C6orf89: variants seen among roughly 807,000 people sequenced by gnomAD.
C6orf89 encodes the protein bombesin receptor-activated protein C6orf89.
Under a neutral mutation model 40.7 loss-of-function variants are expected in C6orf89, and 29 were observed. That is an observed-to-expected ratio of 0.71 (90% CI 0.53 to 0.97). The LOEUF is 0.97. C6orf89 is among the 50% of genes least tolerant of loss of function. The probability of loss-of-function intolerance (pLI) is 0.00; values close to 1 mark genes in which losing one functional copy is unlikely to be tolerated. For missense variants in C6orf89, 392 were observed against 429.1 expected (o/e 0.91, Z 0.76); for synonymous variants, 165 against 152.2 (o/e 1.08, Z -0.62).
intron 3 of C6orf89, among the ~76,000 whole-genome samples, chr6:36,900,889 C>T (rs1005289720): frequency 6.6e-6 from 1 of 151,662 alleles, no homozygotes; most frequent in Non-Finnish European, 1.5e-5. Flanking sequence ...TCTTGTTGCC[C>T]AGGCTGGAGT....
chr6:36,897,577 C>G (rs557691227), intron 2 of C6orf89, among the ~76,000 whole-genome samples: 7 of 152,316 alleles, frequency 4.6e-5, no homozygotes, highest in Admixed American at 1.3e-4. Flanking sequence ...GTCTAGATTG[C>G]ATGCCTTTTA....
upstream of C6orf89, among the ~76,000 whole-genome samples, chr6:36,881,409 A>G (rs1774803874): frequency 6.6e-6 from 1 of 152,244 alleles, no homozygotes; most frequent in African/African-American, 2.4e-5. Context: ...ACGGTGGCCC[A>G]TGCCTGTAAT....
At chr6:36,882,455 T>G (rs1385647981), upstream of C6orf89, among the ~76,000 whole-genome samples, 1 of 152,246 alleles carries the variant, frequency 6.6e-6, no homozygotes, top group African/African-American at 2.4e-5. Context: ...AGTCCCGTGT[T>G]AAGCATGGAC....
chr6:36,874,007 A>C (rs535313399), intron 1 of C6orf89, among the ~76,000 whole-genome samples: 2 of 152,368 alleles, frequency 1.3e-5, no homozygotes, highest in African/African-American at 4.8e-5. Context: ...TGGAATGAAT[A>C]GAGCTAAAGG....
intron 2 of C6orf89, chr6:36,879,189 A>G (rs920925343): frequency 1.5e-4 from 23 of 152,056 alleles, no homozygotes; most frequent in African/African-American, 5.6e-4. Context: ...TCTATTACTC[A>G]GGGCAACCAG....
chr6:36,880,184 A>C (rs777412218), intron 2 of C6orf89, among the ~76,000 whole-genome samples: 2 of 152,260 alleles, frequency 1.3e-5, no homozygotes, highest in Non-Finnish European at 2.9e-5. Context: ...ATCAGTAATA[A>C]GAAATTTAAA....
chr6:36,882,961 G>C (rs988686606), upstream of C6orf89, among the ~76,000 whole-genome samples: 1 of 151,462 alleles, frequency 6.6e-6, no homozygotes, highest in African/African-American at 2.4e-5. Flanking sequence ...GGATGGTCTC[G>C]ATCTCCTGAC....
intron 4 of C6orf89, among the ~76,000 whole-genome samples, chr6:36,909,748 A>C (rs1256923313): frequency 6.6e-6 from 1 of 150,540 alleles, no homozygotes; most frequent in Admixed American, 6.7e-5. Context: ...GTACCACTGC[A>C]CTTCAGCCTG....
upstream of C6orf89, among the ~76,000 whole-genome samples, chr6:36,882,786 G>A (rs1351762874): frequency 6.4e-5 from 9 of 141,466 alleles, no homozygotes; most frequent in Non-Finnish European, 1.1e-4. Flanking sequence ...GCGGGACTGC[G>A]GACTGCAGTG....
rs530552206 is a variant in C6orf89 at position 36,875,163 on chromosome 6, G to C, written c.-628+3196G>C. ...TCTCACAATTGGGCAGGGACGGGAA[G>C]GGGAGGCAGAGAATGAAAGAGGGTA... On this transcript the variant is annotated intron_variant, in intron 1 of 9. Coordinates refer to the C6orf89 transcript ENST00000359359. The C allele has an allele frequency of 5.9e-5, 14 of 238,376 alleles. No individual in the cohort carries two copies. In the Admixed American group the frequency reaches 7.2e-4, roughly 12 times the overall value. The allele number at this position is 238,376 out of a possible 1,614,324, so 14.8% of individuals were successfully genotyped here. A position where few individuals can be genotyped will look rare whatever the true frequency, so the allele number is the denominator to read the frequency against.
At chr6:36,881,067 G>C (rs1428842264), upstream of C6orf89, among the ~76,000 whole-genome samples, 1 of 152,200 alleles carries the variant, frequency 6.6e-6, no homozygotes, top group Non-Finnish European at 1.5e-5. Flanking sequence ...TTAGATGCTG[G>C]AAAGAGTCGG....
At chr6:36,923,294 G>T in intron 8 of C6orf89, 53 bp from the exon 9 acceptor site, 1 of 1,420,032 alleles carries the variant, frequency 7.0e-7, no homozygotes, top group Non-Finnish European at 9.9e-7. Context: ...GTGCCCACAG[G>T]TGTGCCCACC....
In C6orf89 at chr6:36,919,625, G is replaced by A; in HGVS notation, c.873G>A (p.Met291Ile). 1 of 1,614,118 alleles carries A rather than the reference G, an allele frequency of 6.2e-7. No individual in the cohort carries two copies. Residue 291 changes from methionine to isoleucine, a missense_variant, in exon 8 of 9, where the codon ATG becomes ATA. Physicochemically the swap from Met to Ile is conservative, Grantham distance 10 (BLOSUM62 1). Coordinates refer to ENST00000480824, the MANE Select transcript of C6orf89 (RefSeq NM_001286635.2). ...TTATCATTGGCAGCGGTGAGGCCAT[G>A]TTGCAGCTCATCCCTCCCTTCCAGT... ...DLFIIGSGEA[M>I]LQLIPPFQCR...
intron 1 of C6orf89, among the ~76,000 whole-genome samples, chr6:36,878,846 A>G (rs951543856): frequency 1.3e-5 from 2 of 152,180 alleles, no homozygotes; most frequent in Non-Finnish European, 2.9e-5. Context: ...CTATTGCTGT[A>G]CGTTAGTTTA....
chr6:36,916,439 C>G lies in C6orf89; in HGVS notation c.696-6C>G. On this transcript the variant is annotated splice_region_variant and splice_polypyrimidine_tract_variant and intron_variant, in intron 6 of 8. Coordinates refer to ENST00000480824, the MANE Select transcript of C6orf89 (RefSeq NM_001286635.2). ...ATTACTTTTTTTCTGTTTCATACTT[C>G]TACAGGAGGAGACCTCTGAACAGAT... The G allele has an allele frequency of 6.2e-7, 1 of 1,614,042 alleles. No individual in the cohort carries two copies. The highest frequency in any genetic ancestry group is 8.5e-7 in the Non-Finnish European group (1 of 1,179,954).
intron 6 of C6orf89, 27 bp from the exon 7 acceptor site, chr6:36,916,418 C>CT: frequency 6.2e-7 from 1 of 1,612,898 alleles, no homozygotes; most frequent in Non-Finnish European, 8.5e-7. Flanking sequence ...AGTTTAATTA[C>CT]TTTTTTTCTG....
In C6orf89 at chr6:36,901,670, A is replaced by T. The variant is rs1189343427; in HGVS notation, c.190-551A>T. Among the ~76,000 whole-genome samples, 21 of 138,402 alleles carry T rather than the reference A, an allele frequency of 1.5e-4. 1 individual carries two copies. Among genetic ancestry groups the T allele is most frequent in the Admixed American group, 1.4e-3 (19 of 13,506 alleles). 90.8% of individuals were successfully genotyped at this position (138,402 alleles called of 152,430 possible). A position where few individuals can be genotyped will look rare whatever the true frequency, so the allele number is the denominator to read the frequency against. On this transcript the variant is annotated intron_variant, in intron 3 of 8. Coordinates refer to ENST00000480824, the MANE Select transcript of C6orf89 (RefSeq NM_001286635.2). ...TTATTATTATTATTTTTATTTATTT[A>T]TTTTTATTTTTTTTTTGAGACGGAG...
At chr6:36,890,304 C>G (rs1002250593) in intron 1 of C6orf89, among the ~76,000 whole-genome samples, 1 of 152,096 alleles carries the variant, frequency 6.6e-6, no homozygotes, top group African/African-American at 2.4e-5. Flanking sequence ...CTCCCTGTTT[C>G]CCCCTGCCTG....
At chr6:36,897,349 C>G (rs570652398) in intron 2 of C6orf89, among the ~76,000 whole-genome samples, 1 of 152,204 alleles carries the variant, frequency 6.6e-6, no homozygotes, top group South Asian at 2.1e-4. Flanking sequence ...CCTGTTTATA[C>G]AAAAAATCAT....
Sources: gnomAD v4.1 joint callset for allele counts (sites outside exome capture counted in the v4.1 genomes callset) on GRCh38, gnomAD v4.1.1 for gene constraint, MANE v1.5 for transcripts, NCBI Gene and HGNC (gene_info 2026-07-23, HGNC 2026-07-21) for gene names.